EMSY: variants seen among roughly 807,000 people sequenced by gnomAD.
The protein encoded by EMSY is BRCA2-interacting transcriptional repressor EMSY.
Under a neutral mutation model 134.6 loss-of-function variants are expected in EMSY, and 26 were observed. The observed-to-expected ratio is 0.19, with a 90% CI of 0.14 to 0.27. The LOEUF is 0.27. Among genes scored for constraint, EMSY ranks in the 10% least tolerant of loss-of-function variants. EMSY has a pLI of 1.00. For missense variants in EMSY, 1,305 were observed against 1,611.4 expected, an observed-to-expected ratio of 0.81 and a Z score of 3.26; for synonymous variants, 579 against 577.8, an observed-to-expected ratio of 1.00 and a Z score of -0.03.
At chr11:76,445,064 C>G (rs912916444) in exon 1 of EMSY, 9 of 153,190 alleles carry the variant, frequency 5.9e-5, no homozygotes, top group Admixed American at 1.3e-4. Context: ...CAAACAAACC[C>G]AATTCCTGGT....
At chr11:76,498,263 G>T (rs1949726325) in intron 9 of EMSY, among the ~76,000 whole-genome samples, 1 of 152,086 alleles carries the variant, frequency 6.6e-6, no homozygotes, top group Admixed American at 6.5e-5. Flanking sequence ...TTGGTGGGTG[G>T]TCCATGGTGC....
chr11:76,541,814 T>A (rs2136680112), intron 17 of EMSY, among the ~76,000 whole-genome samples: 1 of 152,340 alleles, frequency 6.6e-6, no homozygotes, highest in Non-Finnish European at 1.5e-5. Context: ...TTAAAGATAT[T>A]ATTTTGGGAT....
At chr11:76,528,234 ATTTTATCTCAG>A in intron 13 of EMSY, 23 bp from the exon 15 acceptor site, 2 of 1,571,642 alleles carry the variant, frequency 1.3e-6, no homozygotes, top group Non-Finnish European at 1.7e-6. Flanking sequence ...GTTTTCTAAA[ATTTTATCTCAG>A]TATATTTCTG....
At chr11:76,499,096 G>A (rs1949756524) in intron 9 of EMSY, among the ~76,000 whole-genome samples, 2 of 151,856 alleles carry the variant, frequency 1.3e-5, no homozygotes. Flanking sequence ...CAGGTAGCTG[G>A]GATTACAGGT....
chr11:76,544,132 C>T, intron 18 of EMSY, 127 bp from the exon 20 acceptor site: 1 of 963,480 alleles, frequency 1.0e-6, no homozygotes, highest in Non-Finnish European at 1.5e-6. Context: ...CTTGAGGTTT[C>T]TTGGCCTTTC....
chr11:76,511,804 A>G (rs1950287743), intron 9 of EMSY, among the ~76,000 whole-genome samples: 1 of 152,184 alleles, frequency 6.6e-6, no homozygotes, highest in African/African-American at 2.4e-5. Context: ...TATTATAATC[A>G]GAATCTTAAA....
At chr11:76,541,263 G>T (rs1951429258) in intron 17 of EMSY, among the ~76,000 whole-genome samples, 3 of 152,118 alleles carry the variant, frequency 2.0e-5, no homozygotes. Context: ...GTTGAAGCTG[G>T]TAAAATTTGA....
At chr11:76,507,234 G>A (rs2136015575) in intron 9 of EMSY, among the ~76,000 whole-genome samples, 1 of 152,318 alleles carries the variant, frequency 6.6e-6, no homozygotes, top group South Asian at 2.1e-4. Context: ...GGAGGGTCTT[G>A]TCTCAATGTT....
At chr11:76,472,869 T>C in intron 8 of EMSY, 29 bp downstream of exon 9, 1 of 1,604,700 alleles carries the variant, frequency 6.2e-7, no homozygotes, top group African/African-American at 1.3e-5. Flanking sequence ...TTTAATTCTG[T>C]CACAGTTGCT....
At chr11:76,516,190 G>A (rs781426414) in exon 11 of EMSY, 19 of 1,613,748 alleles carry the variant, frequency 1.2e-5, no homozygotes, top group African/African-American at 6.7e-5. Context: ...TCCATTGGTC[G>A]GATGGCTGCA....
rs769936852 is a variant in EMSY at position 76,496,211 on chromosome 11, A to G, written c.1109-4A>G. 12 of 1,605,618 alleles carry G rather than the reference A, an allele frequency of 7.5e-6. No homozygotes were observed. The highest frequency in any genetic ancestry group is 1.1e-5 in the South Asian group (1 of 89,638). On this transcript the variant is annotated splice_region_variant and splice_polypyrimidine_tract_variant and intron_variant, in intron 8 of 20. Transcript: ENST00000334736. ...TTCTCTTTTCCCTTACTCCTTTTCT[A>G]CAGGTGTATCTACATCAGCAATCAA...
chr11:76,534,978 A>C (rs1038746685), intron 14 of EMSY, among the ~76,000 whole-genome samples: 1 of 152,130 alleles, frequency 6.6e-6, no homozygotes, highest in African/African-American at 2.4e-5. Flanking sequence ...GATTTGATGC[A>C]CATTTAGTAT....
At chr11:76,542,127 C>T (rs749768849) in intron 17 of EMSY, 89 bp from the exon 19 acceptor site, 1 of 1,487,640 alleles carries the variant, frequency 6.7e-7, no homozygotes, top group Non-Finnish European at 9.4e-7. Flanking sequence ...TTCTGTGATA[C>T]AAGCTCACAG....
chr11:76,476,485 C>T (rs2135423674), intron 8 of EMSY, among the ~76,000 whole-genome samples: 1 of 152,280 alleles, frequency 6.6e-6, no homozygotes, highest in East Asian at 1.9e-4. Context: ...AAGCAGGATA[C>T]ATGCATGATT....
chr11:76,483,678 C>A (rs562234122), intron 8 of EMSY, among the ~76,000 whole-genome samples: 2 of 152,250 alleles, frequency 1.3e-5, no homozygotes, highest in African/African-American at 4.8e-5. Flanking sequence ...GTAAAGAGAT[C>A]AATGCAACAA....
intron 15 of EMSY, among the ~76,000 whole-genome samples, chr11:76,536,368 A>C (rs565075206): frequency 6.6e-6 from 1 of 152,262 alleles, no homozygotes; most frequent in South Asian, 2.1e-4. Flanking sequence ...TAGCACTAGA[A>C]AGGAGTAGTT....
chr11:76,446,364 T>TATG (rs1256120836), intron 1 of EMSY, among the ~76,000 whole-genome samples: 69 of 147,152 alleles, frequency 4.7e-4, no homozygotes, highest in African/African-American at 1.7e-3. Flanking sequence ...TATATATATG[T>TATG]ATGTATCGTT....
intron 10 of EMSY, among the ~76,000 whole-genome samples, chr11:76,515,199 AT>A (rs1262094030): frequency 5.3e-4 from 69 of 131,128 alleles, no homozygotes; most frequent in Admixed American, 8.5e-4. Context: ...TGGTAAAAGC[AT>A]TTTTTTGGGG....
chr11:76,543,387 G>A (rs1231928590), intron 18 of EMSY, among the ~76,000 whole-genome samples: 3 of 152,214 alleles, frequency 2.0e-5, no homozygotes, highest in Non-Finnish European at 2.9e-5. Flanking sequence ...GCAGTAGGGA[G>A]GATGGGGATA....
Sources: gnomAD v4.1 joint callset for allele counts (sites outside exome capture counted in the v4.1 genomes callset) on GRCh38, gnomAD v4.1.1 for gene constraint, MANE v1.5 for transcripts, NCBI Gene and HGNC (gene_info 2026-07-23, HGNC 2026-07-21) for gene names.